The following CAPN1 variants were observed in gnomAD, a reference collection of about 807,000 sequenced individuals.
CAPN1 encodes the protein calpain-1 catalytic subunit.
Under a neutral mutation model 105.2 loss-of-function variants are expected in CAPN1, and 77 were observed. The ratio of observed to expected loss-of-function variants is 0.73; its 90% confidence interval spans 0.61 to 0.88. The LOEUF is 0.88. Ranked by LOEUF, CAPN1 falls within the 40% of genes least tolerant of loss-of-function variation. CAPN1 has a pLI of 0.00. For missense variants in CAPN1, 833 were observed against 976.6 expected, an observed-to-expected ratio of 0.85 and a Z score of 1.96; for synonymous variants, 355 against 388.8, an observed-to-expected ratio of 0.91 and a Z score of 1.02.
At chr11:65,186,895 T>C (rs1407557853) in intron 6 of CAPN1, among the ~76,000 whole-genome samples, 3 of 152,230 alleles carry the variant, frequency 2.0e-5, no homozygotes, top group African/African-American at 7.2e-5. Context: ...TGTGTGGCTC[T>C]GGTGGGCTGT....
chr11:65,181,812 G>C (rs75557976), upstream of CAPN1: 1 of 207,358 alleles, frequency 4.8e-6, no homozygotes, highest in Non-Finnish European at 1.0e-5. This position sits in a 1 kb window ranked among gnomAD's most constrained non-coding sequence, Gnocchi z 4.6. Flanking sequence ...AGACCGTGCC[G>C]GAGAGATAAG....
chr11:65,193,919 C>A (rs1304384776), intron 10 of CAPN1, among the ~76,000 whole-genome samples: 1 of 143,340 alleles, frequency 7.0e-6, no homozygotes, highest in South Asian at 2.2e-4. Flanking sequence ...TATCATTAAT[C>A]TTTACTGTTT....
chr11:65,210,400 G>T lies in CAPN1; in HGVS notation c.2007G>T (p.Ala669=), dbSNP rs377531394. The change falls in exon 20 of 22, where the codon GCG becomes GCT. Residue 669 remains alanine, a synonymous_variant. Transcript: ENST00000279247. This position sits in a 1 kb window ranked among gnomAD's most constrained non-coding sequence, Gnocchi z 4.3. ...CCCGCTACTCGGAGCCCGACCTGGCGGTCGACTTTGACAATTTCGTTTGCT... is the reference window on the plus strand; with the variant it reads ...CCCGCTACTCGGAGCCCGACCTGGCTGTCGACTTTGACAATTTCGTTTGCT... ...IITRYSEPDL[A]VDFDNFVCCL... 2.5e-6 allele frequency: 4 copies of T among 1,613,356 alleles called. No individual in the cohort carries two copies. The South Asian group carries it at 4.4e-5, about 18-fold the overall frequency.
At chr11:65,196,375 T>C (rs1253169573) in intron 10 of CAPN1, among the ~76,000 whole-genome samples, 1 of 152,014 alleles carries the variant, frequency 6.6e-6, no homozygotes, top group African/African-American at 2.4e-5. Context: ...TATATCATAG[T>C]GGGACATATT....
In CAPN1 at chr11:65,210,590, G is replaced by A. The variant is rs1055005169; in HGVS notation, c.2059+138G>A. The A allele has an allele frequency of 6.9e-6, 5 of 720,064 alleles. No homozygotes were observed. The African/African-American group carries it at 8.8e-5, about 13-fold the overall frequency. 44.6% of individuals were successfully genotyped at this position (720,064 alleles called of 1,614,324 possible). A position where few individuals can be genotyped will look rare whatever the true frequency, so the allele number is the denominator to read the frequency against. On this transcript the variant is annotated intron_variant, in intron 20 of 21. Coordinates refer to ENST00000279247, the MANE Select transcript of CAPN1 (RefSeq NM_005186.4). This position sits in a 1 kb window ranked among gnomAD's most constrained non-coding sequence, Gnocchi z 4.3. ...GTGTGCCAGAGAGGCCTGGGTCTGG[G>A]TTTGGGGGGCCCTGGCTGAGTGCCA...
At chr11:65,206,429 A>C in intron 12 of CAPN1, 34 bp from the exon 13 acceptor site, 28 of 1,512,382 alleles carry the variant, frequency 1.9e-5, no homozygotes, top group African/African-American at 2.7e-5. Context: ...CTGAGTGGGC[A>C]GCTGCAGCCC....
chr11:65,206,379 A>G, intron 12 of CAPN1, 84 bp from the exon 13 acceptor site: 2 of 1,041,624 alleles, frequency 1.9e-6, no homozygotes, highest in African/African-American at 1.6e-5. Flanking sequence ...CAGGACAAGG[A>G]GCCTGGAGTC....
At chr11:65,200,115 C>G (rs748516811) in intron 10 of CAPN1, among the ~76,000 whole-genome samples, 12 of 151,228 alleles carry the variant, frequency 7.9e-5, no homozygotes, top group Admixed American at 6.6e-4. Flanking sequence ...AATGGCATAA[C>G]CTCAGCTCAC....
chr11:65,206,555 G>A lies in CAPN1; in HGVS notation c.1446G>A (p.Glu482=). The A allele has an allele frequency of 6.2e-7, 1 of 1,613,480 alleles. No homozygotes were observed. The highest frequency in any genetic ancestry group is 8.5e-7 in the Non-Finnish European group (1 of 1,179,890). The part of the protein sequence containing the change: ...ARSEQFINLR[E]VSTRFRLPPG... Reference sequence around the variant, plus strand: ...CAGAGCAGTTCATCAACCTGCGAGAGGTCAGCACCCGCTTCCGCCTGCCAC... The same window carrying A: ...CAGAGCAGTTCATCAACCTGCGAGAAGTCAGCACCCGCTTCCGCCTGCCAC... Residue 482 remains glutamate, a synonymous_variant, in exon 13 of 22, where the codon GAG becomes GAA. Transcript: ENST00000279247.
chr11:65,185,935 T>A lies in CAPN1; in HGVS notation c.475T>A (p.Trp159Arg). ...FHFQLWQFGEWVDVVVDDLLP... is the reference protein window; with the variant it reads ...FHFQLWQFGERVDVVVDDLLP... ...CCCACAGCTGTGGCAATTTGGGGAG[T>A]GGGTGGACGTGGTCGTGGATGACCT... The change falls in exon 5 of 22, where the codon TGG (tryptophan) becomes AGG (arginine). Residue 159 changes from tryptophan (W) to arginine (R), a missense_variant. Physicochemically the swap from Trp to Arg is moderately radical, Grantham distance 101. Transcript: ENST00000279247. 6.3e-7 allele frequency: 1 copy of A among 1,584,282 alleles called. No homozygotes were observed. The highest frequency in any genetic ancestry group is 8.6e-7 in the Non-Finnish European group (1 of 1,165,588).
Position 65,209,564 on chromosome 11 carries a change from C to T in CAPN1, c.1794+177C>T, listed in dbSNP as rs1949013191. On this transcript the variant is annotated intron_variant, in intron 17 of 21. Transcript: ENST00000279247. The surrounding 1 kb of genome is among the most constrained non-coding windows in gnomAD (Gnocchi z 4.1). ...CTTCCTGTTGGTTGGGAGGGAGAAA[C>T]TGAGGCACAGACCTGTGTCAAGTGA... 3.0e-6 allele frequency: 2 copies of T among 670,140 alleles called. No individual in the cohort carries two copies. The allele number at this position is 670,140 out of a possible 1,614,324, so 41.5% of individuals were successfully genotyped here. A position where few individuals can be genotyped will look rare whatever the true frequency, so the allele number is the denominator to read the frequency against.
At position 65,210,510 on chromosome 11, in the gene CAPN1, A is replaced by C. The variant is rs528450578; in HGVS notation, c.2059+58A>C. 5.7e-4 allele frequency: 584 copies of C among 1,024,992 alleles called. 1 individual carries two copies. The African/African-American group carries it at 7.1e-3, about 12-fold the overall frequency. 63.5% of individuals were successfully genotyped at this position (1,024,992 alleles called of 1,614,324 possible). A position where few individuals can be genotyped will look rare whatever the true frequency, so the allele number is the denominator to read the frequency against. On this transcript the variant is annotated intron_variant, in intron 20 of 21. Coordinates refer to ENST00000279247, the MANE Select transcript of CAPN1 (RefSeq NM_005186.4). This position sits in a 1 kb window ranked among gnomAD's most constrained non-coding sequence, Gnocchi z 4.3. ...CTCCGTCCCAAACGCGTCCCCCAGG[A>C]GCTGGGGGGAATGACAGATGGGTGA...
rs1244337949 is a variant in CAPN1, at chr11:65,188,820, C to T, written c.1165+74C>T. The T allele has an allele frequency of 9.0e-6, 11 of 1,222,674 alleles. No individual in the cohort carries two copies. The highest frequency in any genetic ancestry group is 1.5e-5 in the African/African-American group (1 of 66,422). 75.7% of individuals were successfully genotyped at this position (1,222,674 alleles called of 1,614,324 possible). A position where few individuals can be genotyped will look rare whatever the true frequency, so the allele number is the denominator to read the frequency against. ...CCAGAAGGCACGTCATCTTACTGAG[C>T]CTCCGTTTCCTCACTTGCAAGATAT... On this transcript the variant is annotated intron_variant, in intron 10 of 21. Transcript: ENST00000279247. The surrounding 1 kb of genome is among the most constrained non-coding windows in gnomAD (Gnocchi z 5.5).
Position 65,188,576 on chromosome 11 carries a change from C to G in CAPN1, c.1005-10C>G. 1 of 1,613,992 alleles carries G rather than the reference C, an allele frequency of 6.2e-7. No individual in the cohort carries two copies. On this transcript the variant is annotated splice_polypyrimidine_tract_variant and intron_variant, in intron 9 of 21. Transcript: ENST00000279247. This position sits in a 1 kb window ranked among gnomAD's most constrained non-coding sequence, Gnocchi z 5.5. ...CGGGCTGTGCCTCACCTGTGTACCTCCCACCTCAGGATGTCATTCCGAGAC... is the reference window on the plus strand; with the variant it reads ...CGGGCTGTGCCTCACCTGTGTACCTGCCACCTCAGGATGTCATTCCGAGAC...
chr11:65,195,100 G>GTTTTTTTTTTT lies in CAPN1; in HGVS notation c.1165+6371_1165+6381dup, dbSNP rs60778423. Reference sequence around the variant, plus strand: ...AGTGGTATCACTGAAGTTTTTTGGGGTTTTTTTTTTTTTTTTTTTTTTTTT... The same window carrying GTTTTTTTTTTT: ...AGTGGTATCACTGAAGTTTTTTGGGGTTTTTTTTTTTTTTTTTTTTTTTTTTTTTTTTTTTT... On this transcript the variant is annotated intron_variant, in intron 10 of 21. Coordinates refer to ENST00000279247, the MANE Select transcript of CAPN1 (RefSeq NM_005186.4). 4.4e-5 allele frequency among the ~76,000 whole-genome samples: 4 copies of GTTTTTTTTTTT among 90,906 alleles called. 2 individuals are homozygous for GTTTTTTTTTTT. The highest frequency in any genetic ancestry group is 5.0e-5 in the Non-Finnish European group (2 of 39,702). The allele number at this position is 90,906 out of a possible 152,430, so 59.6% of individuals were successfully genotyped here.
chr11:65,202,606 C>G (rs1470698579), intron 10 of CAPN1, among the ~76,000 whole-genome samples: 1 of 151,758 alleles, frequency 6.6e-6, no homozygotes, highest in African/African-American at 2.4e-5. Context: ...CCATGGCCAC[C>G]TAATTTTTGC....
chr11:65,202,685 C>T (rs1038533312), intron 10 of CAPN1, among the ~76,000 whole-genome samples: 1 of 152,072 alleles, frequency 6.6e-6, no homozygotes, highest in African/African-American at 2.4e-5. Context: ...TTAGGTGATC[C>T]AGCTGCCTCA....
At chr11:65,195,126 TTGAG>T (rs1948775543) in intron 10 of CAPN1, among the ~76,000 whole-genome samples, 1 of 147,602 alleles carries the variant, frequency 6.8e-6, no homozygotes, top group African/African-American at 2.6e-5. Context: ...TTTTTTTTTT[TTGAG>T]TCTGGATCTT....
In CAPN1 at chr11:65,189,560, G is replaced by A. The variant is rs561638937; in HGVS notation, c.1165+814G>A. ...TTCAACCCTTCGACCAAGCCAGTCC[G>A]TTGAACCCATCACTTGCGTACCATC... On this transcript the variant is annotated intron_variant, in intron 10 of 21. Coordinates refer to ENST00000279247, the MANE Select transcript of CAPN1 (RefSeq NM_005186.4). 5.3e-5 allele frequency among the ~76,000 whole-genome samples: 8 copies of A among 152,232 alleles called. No individual in the cohort carries two copies. The South Asian group carries it at 1.2e-3, about 24-fold the overall frequency.
Sources: allele counts gnomAD v4.1 joint callset (sites outside exome capture counted in the v4.1 genomes callset), GRCh38; gene constraint gnomAD v4.1.1; non-coding constraint Gnocchi (gnomAD v3.1); transcripts MANE v1.5; gene names NCBI Gene and HGNC (gene_info 2026-07-23, HGNC 2026-07-21).